Variants in MAF observed in about 807,000 individuals in gnomAD.
MAF encodes transcription factor Maf.
Under a neutral mutation model 22.0 loss-of-function variants are expected in MAF, and 10 were observed. That is an observed-to-expected ratio of 0.45 (90% CI 0.28 to 0.77). MAF has a LOEUF of 0.77. Ranked by LOEUF, MAF falls within the 30% of genes least tolerant of loss-of-function variation. The pLI, the probability that MAF is intolerant of heterozygous loss-of-function variation, is 0.12. For synonymous variants in MAF, 337 were observed against 255.8 expected (o/e 1.32, Z -3.03); for missense variants, 544 against 548.4 (o/e 0.99, Z 0.08).
chr16:79,420,008 T>C, the MAF span, among the ~76,000 whole-genome samples: 1 of 151,856 alleles, frequency 6.6e-6, no homozygotes, highest in South Asian at 2.1e-4. Flanking sequence ...CACACGGTTT[T>C]TTTTTTTCTT....
chr16:79,576,121 G>A, the MAF span, among the ~76,000 whole-genome samples: 1 of 149,988 alleles, frequency 6.7e-6, no homozygotes, highest in Non-Finnish European at 1.5e-5. Context: ...CAATGGAATT[G>A]TATCACTGCT....
the MAF span, among the ~76,000 whole-genome samples, chr16:79,409,888 T>C: frequency 6.6e-6 from 1 of 152,254 alleles, no homozygotes; most frequent in Admixed American, 6.5e-5. Context: ...GAAGTTTGGC[T>C]AGTACGACCC....
At chr16:79,313,914 A>G in the MAF span, among the ~76,000 whole-genome samples, 2 of 152,188 alleles carry the variant, frequency 1.3e-5, no homozygotes, top group African/African-American at 4.8e-5. Flanking sequence ...TAAGAAAATG[A>G]AGTGGACTAG....
chr16:79,366,010 T>A, the MAF span, among the ~76,000 whole-genome samples: 1 of 152,232 alleles, frequency 6.6e-6, no homozygotes, highest in Non-Finnish European at 1.5e-5. Context: ...TGCAAGCACA[T>A]GTTTAATTTT....
At chr16:79,490,988 AG>A in the MAF span, among the ~76,000 whole-genome samples, 1 of 152,200 alleles carries the variant, frequency 6.6e-6, no homozygotes, top group Non-Finnish European at 1.5e-5. Flanking sequence ...AACACAAGCT[AG>A]GGAAATCACG....
the MAF span, among the ~76,000 whole-genome samples, chr16:79,214,895 G>T: frequency 1.4e-5 from 2 of 147,538 alleles, no homozygotes; most frequent in African/African-American, 5.1e-5. Flanking sequence ...ATTTTCAGTC[G>T]AGATGGGTTT....
chr16:79,219,861 T>C, the MAF span, among the ~76,000 whole-genome samples: 6 of 152,238 alleles, frequency 3.9e-5, no homozygotes, highest in African/African-American at 1.4e-4. Flanking sequence ...AATGTGGCTT[T>C]ATGTTTATAT....
the MAF span, among the ~76,000 whole-genome samples, chr16:79,329,931 C>G: frequency 6.6e-6 from 1 of 151,742 alleles, no homozygotes; most frequent in Non-Finnish European, 1.5e-5. Flanking sequence ...AACAGACACA[C>G]CATACAATAA....
the MAF span, among the ~76,000 whole-genome samples, chr16:79,491,122 G>C: frequency 2.0e-5 from 3 of 152,184 alleles, no homozygotes; most frequent in South Asian, 2.1e-4. Context: ...GTTCGAGATA[G>C]GATGGGGTTA....
the MAF span, among the ~76,000 whole-genome samples, chr16:79,387,010 A>G: frequency 6.6e-6 from 1 of 152,212 alleles, no homozygotes; most frequent in Non-Finnish European, 1.5e-5. Context: ...CTATACCCCA[A>G]GGCTTCCAAT....
chr16:79,234,760 G>C, the MAF span, among the ~76,000 whole-genome samples: 1 of 152,104 alleles, frequency 6.6e-6, no homozygotes, highest in Non-Finnish European at 1.5e-5. Flanking sequence ...AACACAGTGG[G>C]GAGTGGCTCC....
the MAF span, among the ~76,000 whole-genome samples, chr16:79,221,638 T>A: frequency 2.0e-5 from 3 of 152,208 alleles, no homozygotes; most frequent in Non-Finnish European, 4.4e-5. Context: ...AACAAGGCAA[T>A]CTTCATCATC....
chr16:79,557,216 G>A, the MAF span, among the ~76,000 whole-genome samples: 5 of 151,676 alleles, frequency 3.3e-5, no homozygotes, highest in Admixed American at 2.0e-4. Context: ...CTACACTTGG[G>A]CTGCTGGGGG....
At chr16:79,514,804 T>C in the MAF span, among the ~76,000 whole-genome samples, 2 of 152,220 alleles carry the variant, frequency 1.3e-5, no homozygotes, top group African/African-American at 4.8e-5. Flanking sequence ...AGTTCACTGA[T>C]AGCGGCTTGG....
At chr16:79,588,111 TTAAA>T (rs1396482057) in intron 1 of MAF, among the ~76,000 whole-genome samples, 2 of 152,186 alleles carry the variant, frequency 1.3e-5, no homozygotes, top group African/African-American at 4.8e-5. Context: ...GAAGAGTTCT[TTAAA>T]TAGTACAGGA....
the MAF span, among the ~76,000 whole-genome samples, chr16:79,312,813 T>C: frequency 1.7e-3 from 256 of 152,298 alleles, no homozygotes; most frequent in African/African-American, 5.8e-3. Context: ...ATGACTCAGA[T>C]TGTCTTCGGC....
At chr16:79,470,638 TTCC>T in the MAF span, among the ~76,000 whole-genome samples, 34 of 152,356 alleles carry the variant, frequency 2.2e-4, no homozygotes, top group Non-Finnish European at 4.1e-4. Context: ...GGTATTATTC[TTCC>T]CATTTATCAG....
chr16:79,307,695 A>C, the MAF span, among the ~76,000 whole-genome samples: 1 of 152,216 alleles, frequency 6.6e-6, no homozygotes, highest in African/African-American at 2.4e-5. Context: ...AACTAGTTAG[A>C]CTAAATTAGA....
the MAF span, among the ~76,000 whole-genome samples, chr16:79,241,897 T>C: frequency 3.6e-3 from 549 of 152,124 alleles, 6 homozygotes; most frequent in Non-Finnish European, 6.2e-3. Context: ...TTCAACACTC[T>C]TAAAGAAAAG....
Sources: allele counts gnomAD v4.1 joint callset (sites outside exome capture counted in the v4.1 genomes callset), GRCh38; gene constraint gnomAD v4.1.1; transcripts MANE v1.5; gene names NCBI Gene and HGNC (gene_info 2026-07-23, HGNC 2026-07-21).